DLGAP2: variants seen among roughly 807,000 people sequenced by gnomAD.
DLGAP2 encodes the protein DLG associated protein 2, also known as disks large-associated protein 2.
In DLGAP2, 26 loss-of-function variants were observed where a neutral mutation model predicts 100.3. That is an observed-to-expected ratio of 0.26 (90% CI 0.19 to 0.36). The LOEUF (loss-of-function observed/expected upper bound fraction) is 0.36. Among genes scored for constraint, DLGAP2 ranks in the 10% least tolerant of loss-of-function variants. The pLI, the probability that DLGAP2 is intolerant of heterozygous loss-of-function variation, is 1.00. For synonymous variants in DLGAP2, 886 were observed against 630.1 expected (o/e 1.41, Z -6.08); for missense variants, 1,858 against 1,453.2 (o/e 1.28, Z -4.53).
intron 4 of DLGAP2, among the ~76,000 whole-genome samples, chr8:1,505,986 A>T (rs1447161871): frequency 6.6e-6 from 1 of 152,232 alleles, no homozygotes; most frequent in Non-Finnish European, 1.5e-5. Flanking sequence ...CACATATTAT[A>T]TATGCAGCAC....
Position 1,043,175 on chromosome 8 carries a change from G to A in DLGAP2, c.73+135209G>A, listed in dbSNP as rs866916476. 2.4e-3 allele frequency among the ~76,000 whole-genome samples: 268 copies of A among 110,698 alleles called. 3 individuals are homozygous for A. The highest frequency in any genetic ancestry group is 8.5e-3 in the African/African-American group (254 of 29,930). The allele number at this position is 110,698 out of a possible 152,430, so 72.6% of individuals were successfully genotyped here. A position where few individuals can be genotyped will look rare whatever the true frequency, so the allele number is the denominator to read the frequency against. On this transcript the variant is annotated intron_variant, in intron 2 of 14. Transcript: ENST00000637795. ...TGTGGGTGGTGGACGTGGGTGGTGG[G>A]TGTGGGTGGTGGGTGTTGGTGGTGG...
At chr8:1,264,901 C>T (rs577360668) in intron 3 of DLGAP2, among the ~76,000 whole-genome samples, 1 of 152,226 alleles carries the variant, frequency 6.6e-6, no homozygotes, top group Non-Finnish European at 1.5e-5. Flanking sequence ...GAATAAGCCT[C>T]ATGAGATGTG....
chr8:1,235,457 C>G (rs181820608), intron 2 of DLGAP2, among the ~76,000 whole-genome samples: 3 of 151,902 alleles, frequency 2.0e-5, no homozygotes, highest in Non-Finnish European at 2.9e-5. Flanking sequence ...GTCTAGTTCC[C>G]TCTCACATGT....
chr8:919,371 G>C (rs1158609039), intron 2 of DLGAP2, among the ~76,000 whole-genome samples: 2 of 152,206 alleles, frequency 1.3e-5, no homozygotes, highest in African/African-American at 4.8e-5. Flanking sequence ...GATGTTCTCA[G>C]TCTTTCTTGT....
intron 2 of DLGAP2, among the ~76,000 whole-genome samples, chr8:1,171,839 T>C (rs192815633): frequency 0.042 from 6,428 of 152,240 alleles, 475 homozygotes; most frequent in African/African-American, 0.14. Context: ...CTTTATCCAA[T>C]TTGCCAGTCT....
chr8:1,010,038 C>T (rs1239204799), intron 2 of DLGAP2, among the ~76,000 whole-genome samples: 1 of 152,242 alleles, frequency 6.6e-6, no homozygotes, highest in Non-Finnish European at 1.5e-5. Flanking sequence ...CAGTATTTCA[C>T]TGTTGTTGCT....
At chr8:1,463,532 A>G (rs1002469789) in intron 3 of DLGAP2, among the ~76,000 whole-genome samples, 1 of 152,190 alleles carries the variant, frequency 6.6e-6, no homozygotes, top group Admixed American at 6.5e-5. Context: ...TGTTCCCAGG[A>G]CGCTCCTGCC....
chr8:1,628,811 C>T (rs1481291529), intron 7 of DLGAP2, among the ~76,000 whole-genome samples: 12 of 152,214 alleles, frequency 7.9e-5, no homozygotes, highest in Non-Finnish European at 1.3e-4. Flanking sequence ...CTGAGCCGAC[C>T]TCACATTCTC....
At chr8:1,042,667 G>T (rs568984649) in intron 2 of DLGAP2, among the ~76,000 whole-genome samples, 71 of 152,090 alleles carry the variant, frequency 4.7e-4, no homozygotes, top group Non-Finnish European at 6.2e-4. Flanking sequence ...AGTCCTGGGG[G>T]CTTGGATGTA....
At chr8:1,185,583 C>T (rs1053127575) in intron 2 of DLGAP2, among the ~76,000 whole-genome samples, 3 of 152,102 alleles carry the variant, frequency 2.0e-5, no homozygotes, top group Non-Finnish European at 4.4e-5. Flanking sequence ...TTTATTGACT[C>T]GCTAATTCCA....
Position 1,454,762 on chromosome 8 carries a change from C to A in DLGAP2, c.107-46604C>A, listed in dbSNP as rs1798257567. On this transcript the variant is annotated intron_variant, in intron 3 of 14. Transcript: ENST00000637795. ...CATGAGCAGCATCCTAGTCACAGAA[C>A]AGGCAGGTAGAAAAGGAATAAAGTC... is the stretch of plus-strand genomic sequence containing the variant. 1.3e-5 allele frequency among the ~76,000 whole-genome samples: 2 copies of A among 152,178 alleles called. 1 individual carries two copies. The highest frequency in any genetic ancestry group is 4.1e-4 in the South Asian group (2 of 4,832).
intron 5 of DLGAP2, among the ~76,000 whole-genome samples, chr8:1,556,396 G>T (rs1051439187): frequency 6.6e-6 from 1 of 152,154 alleles, no homozygotes; most frequent in South Asian, 2.1e-4. Context: ...ACGGGGTTTG[G>T]CTCTGACCTC....
At chr8:1,319,300 A>G (rs1800840887) in intron 3 of DLGAP2, among the ~76,000 whole-genome samples, 2 of 152,154 alleles carry the variant, frequency 1.3e-5, no homozygotes, top group Admixed American at 1.3e-4. Flanking sequence ...GGTAAAATGA[A>G]TCCCCTGAAA....
At chr8:1,522,744 C>G (rs759035072) in intron 4 of DLGAP2, among the ~76,000 whole-genome samples, 1 of 152,152 alleles carries the variant, frequency 6.6e-6, no homozygotes, top group Admixed American at 6.5e-5. Flanking sequence ...GCTGTGTAAA[C>G]TTTCAAATTA....
rs568274774 is a variant in DLGAP2 at position 1,407,367 on chromosome 8, T to C, written c.107-93999T>C. ...CGTGTATTGAGAACTTACTGAGCGCTCCCTCCTTGTCCTCCGGAGTCCTGT... is the reference window on the plus strand; with the variant it reads ...CGTGTATTGAGAACTTACTGAGCGCCCCCTCCTTGTCCTCCGGAGTCCTGT... On this transcript the variant is annotated intron_variant, in intron 3 of 14. Coordinates refer to ENST00000637795, the MANE Select transcript of DLGAP2 (RefSeq NM_001346810.2). Among the ~76,000 whole-genome samples the C allele has an allele frequency of 5.6e-3, 377 of 67,696 alleles. 14 individuals carry two copies. The highest frequency in any genetic ancestry group is 7.3e-3 in the Non-Finnish European group (251 of 34,270). 44.4% of individuals were successfully genotyped at this position (67,696 alleles called of 152,430 possible).
intron 8 of DLGAP2, among the ~76,000 whole-genome samples, chr8:1,649,464 T>C (rs1258705505): frequency 6.6e-6 from 1 of 152,208 alleles, no homozygotes; most frequent in East Asian, 1.9e-4. Context: ...AGCAAGAGAT[T>C]AAATGAGAAT....
At chr8:1,359,578 C>A (rs554069180) in intron 3 of DLGAP2, among the ~76,000 whole-genome samples, 2 of 152,310 alleles carry the variant, frequency 1.3e-5, no homozygotes, top group South Asian at 4.1e-4. Context: ...GGCCGCTCAG[C>A]GGGAGTGTGT....
intron 1 of DLGAP2, among the ~76,000 whole-genome samples, chr8:821,889 T>C (rs1425680938): frequency 1.3e-5 from 2 of 152,262 alleles, no homozygotes; most frequent in African/African-American, 4.8e-5. Flanking sequence ...CAGCGTGCCA[T>C]TCCACGGTCT....
rs953692864 is a variant in DLGAP2, at chr8:1,565,836, A to T, written c.1384A>T (p.Ile462Phe). 1.2e-6 allele frequency: 2 copies of T among 1,613,486 alleles called. No homozygotes were observed. The highest frequency in any genetic ancestry group is 1.7e-6 in the Non-Finnish European group (2 of 1,179,686). ...CCCCAAGACATCACCAAAGTCGGCA[A>T]TCCTACCAGAGCCGCTGCTGAAGTC... The part of the protein sequence containing the change: ...SSPKTSPKSA[I>F]LPEPLLKSIG... The change falls in exon 6 of 15, where the codon ATC becomes TTC. Residue 462 changes from isoleucine to phenylalanine, a missense_variant. Ile to Phe is a conservative substitution (Grantham distance 21, BLOSUM62 0). Transcript: ENST00000637795.
Sources: allele counts gnomAD v4.1 joint callset (sites outside exome capture counted in the v4.1 genomes callset), GRCh38; gene constraint gnomAD v4.1.1; transcripts MANE v1.5; gene names NCBI Gene and HGNC (gene_info 2026-07-23, HGNC 2026-07-21).